EPM2A: variants seen among roughly 807,000 people sequenced by gnomAD.
EPM2A encodes the protein EPM2A glucan phosphatase, laforin, also known as laforin.
Under a neutral mutation model 26.5 loss-of-function variants are expected in EPM2A, and 21 were observed. The observed-to-expected ratio is 0.79, with a 90% CI of 0.56 to 1.14. The LOEUF is 1.14. EPM2A is among the 50% of genes most tolerant of loss of function. The pLI, the probability that EPM2A is intolerant of heterozygous loss-of-function variation, is 0.00. For missense variants in EPM2A, 458 were observed against 440.8 expected, an observed-to-expected ratio of 1.04 and a Z score of -0.35; for synonymous variants, 217 against 177.6, an observed-to-expected ratio of 1.22 and a Z score of -1.76.
intron 4 of EPM2A, among the ~76,000 whole-genome samples, chr6:145,433,025 T>C (rs1006951685): frequency 2.0e-5 from 3 of 152,156 alleles, no homozygotes; most frequent in African/African-American, 7.2e-5. Context: ...CTTAGGGCCT[T>C]GATCTGGATT....
At chr6:145,491,824 G>C (rs907130788) in intron 4 of EPM2A, 24 of 529,042 alleles carry the variant, frequency 4.5e-5, no homozygotes, top group Non-Finnish European at 7.8e-5. Context: ...TTATTTTGCT[G>C]TATATGTGAA....
At chr6:145,522,861 A>T (rs1054881130) in intron 2 of EPM2A, among the ~76,000 whole-genome samples, 1 of 152,032 alleles carries the variant, frequency 6.6e-6, no homozygotes, top group African/African-American at 2.4e-5. Context: ...ATAACTCTTT[A>T]TCTTTGCAAA....
At chr6:145,612,987 C>A (rs1775425059) in intron 2 of EPM2A, among the ~76,000 whole-genome samples, 1 of 152,082 alleles carries the variant, frequency 6.6e-6, no homozygotes, top group African/African-American at 2.4e-5. Flanking sequence ...TTGCCATATC[C>A]ATTGACTCTT....
At chr6:145,668,276 T>A (rs1034188939) in intron 2 of EPM2A, among the ~76,000 whole-genome samples, 1 of 151,676 alleles carries the variant, frequency 6.6e-6, no homozygotes, top group Non-Finnish European at 1.5e-5. Context: ...AAAAGGATAA[T>A]GAGACAAGCA....
intron 4 of EPM2A, among the ~76,000 whole-genome samples, chr6:145,438,469 A>ATTTT (rs68038397): frequency 6.8e-5 from 8 of 117,202 alleles, no homozygotes; most frequent in South Asian, 3.1e-4. Context: ...GAAGGGAATA[A>ATTTT]TTTTTTTTTT....
chr6:145,448,919 A>G (rs891822235), intron 4 of EPM2A, among the ~76,000 whole-genome samples: 7 of 152,232 alleles, frequency 4.6e-5, no homozygotes, highest in African/African-American at 1.7e-4. Context: ...CAAATAAGCA[A>G]TATGAGATTG....
intron 4 of EPM2A, among the ~76,000 whole-genome samples, chr6:145,413,699 T>G (rs1021230706): frequency 1.3e-5 from 2 of 152,350 alleles, no homozygotes; most frequent in South Asian, 4.1e-4. Flanking sequence ...AGAATGTCTT[T>G]TCTTATATTG....
exon 5 of EPM2A, chr6:145,383,459 T>C (rs192861333): frequency 9.9e-4 from 151 of 152,240 alleles, no homozygotes; most frequent in African/African-American, 3.5e-3. Context: ...CTTTTGATCA[T>C]GGTGGAAGCA....
chr6:145,660,572 C>T (rs1778617209), intron 2 of EPM2A, among the ~76,000 whole-genome samples: 1 of 152,182 alleles, frequency 6.6e-6, no homozygotes, highest in South Asian at 2.1e-4. Flanking sequence ...CAGGCAGAGG[C>T]AGGCGGATCA....
intron 4 of EPM2A, among the ~76,000 whole-genome samples, chr6:145,423,395 G>T (rs780382536): frequency 6.6e-6 from 1 of 152,124 alleles, no homozygotes; most frequent in African/African-American, 2.4e-5. Flanking sequence ...CCACCCAGAT[G>T]TGGTGGCCTT....
intron 2 of EPM2A, among the ~76,000 whole-genome samples, chr6:145,538,356 T>C (rs1780463035): frequency 6.6e-6 from 1 of 152,216 alleles, no homozygotes; most frequent in South Asian, 2.1e-4. Context: ...ATAAGAGCTA[T>C]GGAAATCAAC....
At chr6:145,468,811 T>C (rs1035061737) in intron 4 of EPM2A, among the ~76,000 whole-genome samples, 1 of 152,060 alleles carries the variant, frequency 6.6e-6, no homozygotes, top group African/African-American at 2.4e-5. Flanking sequence ...TAAAAAAGCT[T>C]CTGCACTGAA....
chr6:145,575,728 C>T (rs1282364330), intron 2 of EPM2A, among the ~76,000 whole-genome samples: 1 of 152,204 alleles, frequency 6.6e-6, no homozygotes, highest in East Asian at 1.9e-4. Flanking sequence ...ACTCTCTAAA[C>T]AGTCACAATA....
At chr6:145,603,196 C>T (rs1408251689) in intron 2 of EPM2A, among the ~76,000 whole-genome samples, 2 of 151,988 alleles carry the variant, frequency 1.3e-5, no homozygotes, top group Admixed American at 1.3e-4. Flanking sequence ...GGCATCATTT[C>T]TGGCTGTGAC....
At chr6:145,438,508 C>G (rs1460838621) in intron 4 of EPM2A, among the ~76,000 whole-genome samples, 2 of 128,314 alleles carry the variant, frequency 1.6e-5, no homozygotes. Flanking sequence ...GAGTCTTGCT[C>G]TGTCACCCAG....
chr6:145,400,090 G>T (rs762476732), intron 4 of EPM2A, among the ~76,000 whole-genome samples: 1 of 152,122 alleles, frequency 6.6e-6, no homozygotes, highest in African/African-American at 2.4e-5. Context: ...CATTTAATTG[G>T]TTGTAATTCT....
At chr6:145,393,167 T>G (rs779869490) in intron 4 of EPM2A, among the ~76,000 whole-genome samples, 11 of 152,100 alleles carry the variant, frequency 7.2e-5, no homozygotes, top group African/African-American at 2.7e-4. Flanking sequence ...AAAGGCCTCA[T>G]GAATTGGCTT....
At chr6:145,538,018 T>C (rs1469242087) in intron 2 of EPM2A, among the ~76,000 whole-genome samples, 2 of 152,032 alleles carry the variant, frequency 1.3e-5, no homozygotes, top group Non-Finnish European at 2.9e-5. Flanking sequence ...GGCATTTGGG[T>C]TGGTTCCAAG....
At chr6:145,681,618 C>A (rs1169285841) in intron 2 of EPM2A, among the ~76,000 whole-genome samples, 1 of 151,124 alleles carries the variant, frequency 6.6e-6, no homozygotes, top group Non-Finnish European at 1.5e-5. Context: ...TATGGCTAGC[C>A]AGTTTTCCCA....
Sources: allele counts gnomAD v4.1 joint callset (sites outside exome capture counted in the v4.1 genomes callset), GRCh38; gene constraint gnomAD v4.1.1; transcripts MANE v1.5; gene names NCBI Gene and HGNC (gene_info 2026-07-23, HGNC 2026-07-21).